MAP3K5: variants seen among roughly 807,000 people sequenced by gnomAD.
The protein encoded by MAP3K5 is ASK-1.
MAP3K5 carries 56 observed loss-of-function variants against 158.7 expected under a neutral mutation model. The ratio of observed to expected loss-of-function variants is 0.35; its 90% CI spans 0.28 to 0.44. The LOEUF is 0.44. Ranked by LOEUF, MAP3K5 falls within the 20% of genes least tolerant of loss-of-function variation. MAP3K5 has a pLI of 1.00. For missense variants in MAP3K5, 1,294 were observed against 1,674.8 expected, an observed-to-expected ratio of 0.77 and a Z score of 3.97; for synonymous variants, 579 against 601.7, an observed-to-expected ratio of 0.96 and a Z score of 0.55.
intron 3 of MAP3K5, among the ~76,000 whole-genome samples, chr6:136,702,868 G>A (rs1271544823): frequency 6.6e-6 from 1 of 152,010 alleles, no homozygotes; most frequent in African/African-American, 2.4e-5. Flanking sequence ...GCTACTTGTT[G>A]TATTTTTAGT....
intron 1 of MAP3K5, among the ~76,000 whole-genome samples, chr6:136,747,678 A>T (rs2114907246): frequency 6.6e-6 from 1 of 152,344 alleles, no homozygotes; most frequent in South Asian, 2.1e-4. Flanking sequence ...CTCAAATTTA[A>T]TGTGTACATG....
intron 3 of MAP3K5, 98 bp from the exon 4 acceptor site, chr6:136,698,780 A>G (rs1780720684): frequency 1.3e-6 from 1 of 799,428 alleles, no homozygotes; most frequent in African/African-American, 1.7e-5. Context: ...TTCCAAATGC[A>G]AAGGGAAATA....
intron 20 of MAP3K5, among the ~76,000 whole-genome samples, chr6:136,601,409 T>C (rs1246476780): frequency 6.6e-6 from 1 of 152,196 alleles, no homozygotes; most frequent in Non-Finnish European, 1.5e-5. Context: ...AAAGAACCTA[T>C]TACCTACAGG....
At chr6:136,774,362 G>A (rs1375268489) in intron 1 of MAP3K5, among the ~76,000 whole-genome samples, 2 of 152,200 alleles carry the variant, frequency 1.3e-5, no homozygotes, top group African/African-American at 4.8e-5. Flanking sequence ...GCTGAAGTGG[G>A]AGGATCGCCT....
intron 1 of MAP3K5, among the ~76,000 whole-genome samples, chr6:136,721,956 T>G (rs1781762032): frequency 1.3e-5 from 2 of 152,224 alleles, no homozygotes; most frequent in South Asian, 4.1e-4. Flanking sequence ...AACTTCCAAC[T>G]TTGTGCATCT....
At chr6:136,779,354 G>C (rs988369400) in intron 1 of MAP3K5, among the ~76,000 whole-genome samples, 2 of 149,760 alleles carry the variant, frequency 1.3e-5, no homozygotes, top group African/African-American at 4.9e-5. Context: ...GAGGCAGGAG[G>C]ATCACTTGAG....
chr6:136,569,955 C>T (rs908964151), intron 25 of MAP3K5, among the ~76,000 whole-genome samples: 3 of 152,154 alleles, frequency 2.0e-5, no homozygotes, highest in African/African-American at 4.8e-5. Flanking sequence ...GAACATTTAT[C>T]GGATCATGGA....
Position 136,747,854 on chromosome 6 carries a change from G to A in MAP3K5, c.449-27265C>T, listed in dbSNP as rs73564017. ...TATTGTCAAGTGATCTCCAAGCAGC[G>A]GCCATATTGTAAATCCATAAACAGG... On this transcript the variant is annotated intron_variant, in intron 1 of 29. Coordinates refer to ENST00000359015, the MANE Select transcript of MAP3K5 (RefSeq NM_005923.4). Among the ~76,000 whole-genome samples the A allele has an allele frequency of 5.9e-3, 895 of 152,160 alleles. 11 individuals carry two copies. Among genetic ancestry groups the A allele is most frequent in the African/African-American group, 0.021 (853 of 41,488 alleles).
chr6:136,578,893 A>C (rs1774738731), intron 25 of MAP3K5, among the ~76,000 whole-genome samples: 1 of 151,958 alleles, frequency 6.6e-6, no homozygotes, highest in Non-Finnish European at 1.5e-5. Flanking sequence ...TTTCAGGGCC[A>C]GGTGCAGCAG....
At chr6:136,654,804 G>A (rs1382086329) in intron 10 of MAP3K5, among the ~76,000 whole-genome samples, 2 of 151,766 alleles carry the variant, frequency 1.3e-5, no homozygotes, top group African/African-American at 4.8e-5. Context: ...TTGGCAAATT[G>A]ACAATTTTGC....
chr6:136,759,555 C>G (rs575914403), intron 1 of MAP3K5, among the ~76,000 whole-genome samples: 1 of 148,814 alleles, frequency 6.7e-6, no homozygotes, highest in South Asian at 2.1e-4. Context: ...ACTGCAACCT[C>G]TACATCCTAG....
At chr6:136,615,757 A>T (rs1270775888) in intron 15 of MAP3K5, among the ~76,000 whole-genome samples, 1 of 152,178 alleles carries the variant, frequency 6.6e-6, no homozygotes, top group Non-Finnish European at 1.5e-5. Flanking sequence ...TCTATAATGG[A>T]GGCTACAGGT....
rs1214018920 is a variant in MAP3K5 at position 136,561,551 on chromosome 6, A to C, written c.3969T>G (p.Asp1323Glu). 3.1e-6 allele frequency: 5 copies of C among 1,612,848 alleles called. No individual in the cohort carries two copies. The highest frequency in any genetic ancestry group is 4.2e-6 in the Non-Finnish European group (5 of 1,178,796). ...TCTTTACCCGGCTTATAGTGTCTTC[A>C]TCAGCTCCATTCACTCTCAGCCAGT... ...LTDWLRVNGA[D>E]EDTISRFLAE... The change falls in exon 28 of 30, where the codon GAT becomes GAG. Residue 1323 changes from aspartate (D) to glutamate (E), a missense_variant. Around this residue, in one of 5 missense-constraint regions of MAP3K5, gnomAD observed 199 missense variants for 220.3 expected, o/e 0.90. Transcript: ENST00000359015.
Position 136,694,324 on chromosome 6 carries a change from CATT to C in MAP3K5, c.1083-17_1083-15del, listed in dbSNP as rs762618019. On this transcript the variant is annotated splice_polypyrimidine_tract_variant and intron_variant, in intron 6 of 29. Transcript: ENST00000359015. ...GGGAGATTTCTCCTAAGGCAGAAAA[CATT>C]GTTGTTTCAATATACATTACAGAAG... 2.1e-5 allele frequency: 33 copies of C among 1,601,956 alleles called. No individual in the cohort carries two copies. The highest frequency in any genetic ancestry group is 2.6e-5 in the Non-Finnish European group (31 of 1,176,962).
At chr6:136,616,702 CGATGATGATGATGAT>C (rs113611680) in intron 15 of MAP3K5, among the ~76,000 whole-genome samples, 1 of 151,098 alleles carries the variant, frequency 6.6e-6, no homozygotes, top group Non-Finnish European at 1.5e-5. Flanking sequence ...TCAAGTAACT[CGATGATGATGATGAT>C]GATGATGATG....
chr6:136,773,615 T>A (rs1359273205), intron 1 of MAP3K5, among the ~76,000 whole-genome samples: 4 of 152,114 alleles, frequency 2.6e-5, no homozygotes, highest in Admixed American at 1.3e-4. Context: ...ATGCCTTCCT[T>A]TGCCCATTTT....
intron 1 of MAP3K5, among the ~76,000 whole-genome samples, chr6:136,773,662 T>C (rs1784298104): frequency 1.3e-5 from 2 of 152,224 alleles, no homozygotes; most frequent in Non-Finnish European, 2.9e-5. Context: ...GTTGGTTGTT[T>C]TCTGAGACAG....
chr6:136,639,670 G>A (rs1777825878), intron 12 of MAP3K5, 32 bp from the exon 13 acceptor site: 2 of 1,081,846 alleles, frequency 1.8e-6, no homozygotes, highest in African/African-American at 1.6e-5. Flanking sequence ...GCATTATTCA[G>A]AGAACTATCA....
At chr6:136,562,354 A>G in intron 27 of MAP3K5, 149 bp downstream of exon 27, 1 of 371,490 alleles carries the variant, frequency 2.7e-6, no homozygotes. Flanking sequence ...TAAAAACTGG[A>G]TTTTTTTTTT....
Sources: gnomAD v4.1 joint callset for allele counts (sites outside exome capture counted in the v4.1 genomes callset) on GRCh38, gnomAD v4.1.1 for gene constraint, gnomAD v4.1.1 regional missense constraint, MANE v1.5 for transcripts, NCBI Gene and HGNC (gene_info 2026-07-23, HGNC 2026-07-21) for gene names.